The following CEP63 variants were observed in gnomAD, a reference collection of about 807,000 sequenced individuals.
CEP63 encodes the protein centrosomal protein 63, also known as centrosomal protein of 63 kDa.
In CEP63, 84 loss-of-function variants were observed where a neutral mutation model predicts 89.1. The observed-to-expected ratio is 0.94, with a 90% CI of 0.79 to 1.13. CEP63 has a LOEUF of 1.13. Among genes scored for constraint, CEP63 ranks in the 50% most tolerant of loss-of-function variants. The probability of loss-of-function intolerance (pLI) is 0.00; values close to 1 mark genes in which losing one functional copy is unlikely to be tolerated. For missense variants in CEP63, 838 were observed against 813.3 expected (o/e 1.03, Z -0.37); for synonymous variants, 267 against 272.5 (o/e 0.98, Z 0.20).
At chr3:134,781,617 C>G in the CEP63 span, among the ~76,000 whole-genome samples, 1 of 152,204 alleles carries the variant, frequency 6.6e-6, no homozygotes, top group Non-Finnish European at 1.5e-5. Context: ...CGTAACAAAC[C>G]TGTACATGTA....
At chr3:134,715,520 TTTTTTTTGTTTTTTTTTG>T in the CEP63 span, among the ~76,000 whole-genome samples, 1 of 21,320 alleles carries the variant, frequency 4.7e-5, no homozygotes, top group South Asian at 1.6e-3. Flanking sequence ...GAAAGGTTTT[TTTTTTTTGTTTTTTTTTG>T]TTTTTTCCTC....
At chr3:134,549,001 G>T in intron 9 of CEP63, 61 bp from the exon 10 acceptor site, 1 of 961,162 alleles carries the variant, frequency 1.0e-6, no homozygotes, top group South Asian at 1.3e-5. Flanking sequence ...AAATTAGATA[G>T]TCCAATTTAT....
the CEP63 span, among the ~76,000 whole-genome samples, chr3:134,701,325 C>CGTATATGTGTGTGTAT: frequency 1.1e-3 from 42 of 38,332 alleles, 11 homozygotes; most frequent in African/African-American, 2.4e-3. Flanking sequence ...TGTATATATA[C>CGTATATGTGTGTGTAT]ATATACACAC....
At chr3:134,503,537 T>A (rs2108315004) in intron 2 of CEP63, among the ~76,000 whole-genome samples, 1 of 152,270 alleles carries the variant, frequency 6.6e-6, no homozygotes, top group Middle Eastern at 3.4e-3. Context: ...GTCTGTAGTG[T>A]AGAACAAACT....
chr3:134,595,450 C>T, the CEP63 span, among the ~76,000 whole-genome samples: 1 of 152,132 alleles, frequency 6.6e-6, no homozygotes, highest in Non-Finnish European at 1.5e-5. Flanking sequence ...TAAACAGTCT[C>T]CTTCATTATT....
chr3:134,712,172 CTTTG>C, the CEP63 span, among the ~76,000 whole-genome samples: 2 of 152,054 alleles, frequency 1.3e-5, no homozygotes, highest in Non-Finnish European at 1.5e-5. Flanking sequence ...TTTTTGTTGT[CTTTG>C]TTTGTTTTTT....
At chr3:134,704,100 C>T in the CEP63 span, among the ~76,000 whole-genome samples, 7 of 152,224 alleles carry the variant, frequency 4.6e-5, no homozygotes, top group Non-Finnish European at 1.0e-4. Flanking sequence ...CCAACCGCTG[C>T]ATATTCTCCC....
the CEP63 span, among the ~76,000 whole-genome samples, chr3:134,602,280 T>G: frequency 6.3e-3 from 961 of 152,238 alleles, 6 homozygotes; most frequent in African/African-American, 0.022. Flanking sequence ...GAAGTCAGCC[T>G]TTCCTCCGTT....
intron 3 of CEP63, among the ~76,000 whole-genome samples, chr3:134,519,946 A>G (rs1947077161): frequency 6.6e-6 from 1 of 152,180 alleles, no homozygotes; most frequent in Non-Finnish European, 1.5e-5. Flanking sequence ...ATCTAGTAAA[A>G]TGGTATATAA....
At chr3:134,676,057 G>A in the CEP63 span, among the ~76,000 whole-genome samples, 2 of 152,296 alleles carry the variant, frequency 1.3e-5, no homozygotes, top group Admixed American at 6.5e-5. Flanking sequence ...AAGTGAAAAT[G>A]TATTACTCAG....
chr3:134,688,675 C>A, the CEP63 span, among the ~76,000 whole-genome samples: 1 of 152,256 alleles, frequency 6.6e-6, no homozygotes, highest in African/African-American at 2.4e-5. Context: ...GGGTGCTGTT[C>A]CATCAGGAGC....
chr3:134,497,014 G>T (rs756998192), intron 2 of CEP63, among the ~76,000 whole-genome samples: 15 of 152,072 alleles, frequency 9.9e-5, no homozygotes, highest in Non-Finnish European at 1.6e-4. Flanking sequence ...CATTTTCCTG[G>T]TGATTTAGTG....
At chr3:134,585,785 A>G (rs1226650736) in intron 10 of CEP63, among the ~76,000 whole-genome samples, 1 of 151,896 alleles carries the variant, frequency 6.6e-6, no homozygotes, top group Non-Finnish European at 1.5e-5. Flanking sequence ...CAATATTGAC[A>G]GAAGGTTGTT....
intron 3 of CEP63, among the ~76,000 whole-genome samples, chr3:134,508,199 A>G (rs1395813693): frequency 6.6e-6 from 1 of 152,196 alleles, no homozygotes; most frequent in Non-Finnish European, 1.5e-5. Context: ...AAATGTTATT[A>G]TGCTTACCCA....
At chr3:134,629,361 A>G in the CEP63 span, 1 of 463,854 alleles carries the variant, frequency 2.2e-6, no homozygotes. Context: ...CAGCAACAAC[A>G]CTCTTGTGAT....
chr3:134,604,522 G>T, the CEP63 span: 1 of 1,469,092 alleles, frequency 6.8e-7, no homozygotes, highest in South Asian at 1.3e-5. Context: ...AGCACGTGCT[G>T]ATGTGCTGGT....
the CEP63 span, among the ~76,000 whole-genome samples, chr3:134,628,858 C>T: frequency 6.6e-6 from 1 of 152,214 alleles, no homozygotes; most frequent in South Asian, 2.1e-4. Flanking sequence ...AGAGCCTGCC[C>T]TCTTTACAGT....
At chr3:134,706,026 G>T in the CEP63 span, among the ~76,000 whole-genome samples, 1 of 152,152 alleles carries the variant, frequency 6.6e-6, no homozygotes, top group Non-Finnish European at 1.5e-5. Flanking sequence ...ACTCAGAGAG[G>T]TTTGGTGGTG....
chr3:134,636,089 T>A, the CEP63 span, among the ~76,000 whole-genome samples: 1 of 152,250 alleles, frequency 6.6e-6, no homozygotes, highest in African/African-American at 2.4e-5. Context: ...AACACTCAGA[T>A]ACATACATCT....
Sources: gnomAD v4.1 joint callset for allele counts (sites outside exome capture counted in the v4.1 genomes callset) on GRCh38, gnomAD v4.1.1 for gene constraint, MANE v1.5 for transcripts, NCBI Gene and HGNC (gene_info 2026-07-23, HGNC 2026-07-21) for gene names.